Variants in ZFHX3 observed in about 807,000 individuals in gnomAD.
ZFHX3 encodes the protein zinc finger homeobox protein 3.
A neutral mutation model predicts 279.1 loss-of-function variants in ZFHX3; 42 were observed. That is an observed-to-expected ratio of 0.15 (90% CI 0.12 to 0.19). The LOEUF (loss-of-function observed/expected upper bound fraction) is 0.19, where lower values mean the gene tolerates loss of function less well. ZFHX3 is among the 10% of genes least tolerant of loss of function. The pLI is 1.00. For synonymous variants in ZFHX3, 2,293 were observed against 1,957.8 expected, an observed-to-expected ratio of 1.17 and a Z score of -4.52; for missense variants, 4,981 against 4,754.0, an observed-to-expected ratio of 1.05 and a Z score of -1.40.
At chr16:73,668,861 C>T (rs757086166) in intron 2 of ZFHX3, among the ~76,000 whole-genome samples, 10 of 152,136 alleles carry the variant, frequency 6.6e-5, no homozygotes, top group Non-Finnish European at 1.3e-4. Context: ...AACCACATCT[C>T]ATGCCAGTTA....
chr16:73,890,933 A>C (rs2030514626), intron 1 of ZFHX3, among the ~76,000 whole-genome samples: 1 of 151,440 alleles, frequency 6.6e-6, no homozygotes, highest in South Asian at 2.1e-4. Flanking sequence ...ACATCAATCA[A>C]CTGTGTGGTG....
chr16:73,471,454 G>A (rs1296045545), intron 2 of ZFHX3, among the ~76,000 whole-genome samples: 1 of 151,830 alleles, frequency 6.6e-6, no homozygotes, highest in Non-Finnish European at 1.5e-5. Flanking sequence ...TGTCGCCCAG[G>A]CTGAAGTGCA....
intron 5 of ZFHX3, among the ~76,000 whole-genome samples, chr16:73,251,899 G>A (rs1597244417): frequency 9.0e-5 from 6 of 66,464 alleles, no homozygotes; most frequent in African/African-American, 4.3e-4. Context: ...CACACACCAT[G>A]CACACACACA....
At chr16:73,376,427 A>G (rs1348165816) in intron 3 of ZFHX3, among the ~76,000 whole-genome samples, 2 of 152,192 alleles carry the variant, frequency 1.3e-5, no homozygotes, top group Non-Finnish European at 2.9e-5. Context: ...AGAATTTTTC[A>G]GCCATGTCAG....
intron 3 of ZFHX3, among the ~76,000 whole-genome samples, chr16:73,337,893 G>GGA (rs1555510887): frequency 3.9e-5 from 1 of 25,368 alleles, no homozygotes; most frequent in Non-Finnish European, 3.5e-4. Flanking sequence ...TTCCCTTGGC[G>GGA]GGGGGGGGGG....
rs2035509076 is a variant in ZFHX3 at position 72,787,961 on chromosome 16, G to A, written c.10315C>T (p.Pro3439Ser). 1.9e-6 allele frequency: 3 copies of A among 1,613,794 alleles called. No homozygotes were observed. Among genetic ancestry groups the A allele is most frequent in the African/African-American group, 1.3e-5 (1 of 74,826 alleles). ...REVSPLLPKL[P>S]EEPEAESKSA... Reference sequence around the variant, plus strand: ...TTGCTTTCTGCTTCTGGCTCTTCAGGGAGTTTCGGCAGGAGGGGGGACACC... The same window carrying A: ...TTGCTTTCTGCTTCTGGCTCTTCAGAGAGTTTCGGCAGGAGGGGGGACACC... Residue 3439 changes from proline (P) to serine (S), a missense_variant, in exon 10 of 10, where the codon CCT becomes TCT. Around this residue, in one of 7 missense-constraint regions of ZFHX3, gnomAD observed 1,034 missense variants for 786.0 expected, o/e 1.32. Transcript: ENST00000268489.
chr16:72,974,146 A>T (rs928811802), intron 1 of ZFHX3, among the ~76,000 whole-genome samples: 2 of 152,242 alleles, frequency 1.3e-5, no homozygotes, highest in African/African-American at 4.8e-5. Context: ...TGGGGAATGC[A>T]GGCAGAAGCA....
chr16:73,115,600 C>A (rs1315947943), intron 7 of ZFHX3, among the ~76,000 whole-genome samples: 1 of 152,094 alleles, frequency 6.6e-6, no homozygotes, highest in East Asian at 1.9e-4. Flanking sequence ...CACCTTCTAG[C>A]ATCTCCTTGC....
At chr16:73,787,837 G>GTGTGTT (rs1555501651) in intron 1 of ZFHX3, among the ~76,000 whole-genome samples, 1 of 150,058 alleles carries the variant, frequency 6.7e-6, no homozygotes, top group African/African-American at 2.5e-5. Context: ...GTGTGTGTGT[G>GTGTGTT]TGTGTGTGTG....
chr16:72,789,617 C>T (rs953927602), intron 9 of ZFHX3: 2 of 152,256 alleles, frequency 1.3e-5, no homozygotes, highest in African/African-American at 2.4e-5. Flanking sequence ...TGGATGCTTT[C>T]GGAGGGTAGA....
intron 5 of ZFHX3, among the ~76,000 whole-genome samples, chr16:73,194,157 G>A (rs544778268): frequency 6.6e-5 from 10 of 152,168 alleles, no homozygotes; most frequent in African/African-American, 1.7e-4. Flanking sequence ...CATAGACCCC[G>A]GTTTAGGAAC....
intron 3 of ZFHX3, chr16:73,421,303 CAG>C (rs2017714425): frequency 6.6e-6 from 1 of 152,152 alleles, no homozygotes; most frequent in Non-Finnish European, 1.5e-5. Context: ...GGTATTTTAA[CAG>C]AGTGATCACA....
At chr16:72,800,348 C>T (rs111776047) in intron 7 of ZFHX3, among the ~76,000 whole-genome samples, 1 of 152,294 alleles carries the variant, frequency 6.6e-6, no homozygotes, top group Non-Finnish European at 1.5e-5. Flanking sequence ...GCAGTGCACA[C>T]TTGAAGAATA....
intron 7 of ZFHX3, among the ~76,000 whole-genome samples, chr16:73,100,574 CCT>C (rs1165297224): frequency 9.3e-5 from 14 of 149,770 alleles, no homozygotes; most frequent in African/African-American, 3.0e-4. Context: ...CAGGAATTCC[CCT>C]CTTTTTTTTT....
chr16:73,598,703 A>G (rs940313535), intron 2 of ZFHX3, among the ~76,000 whole-genome samples: 1 of 151,952 alleles, frequency 6.6e-6, no homozygotes, highest in African/African-American at 2.4e-5. Context: ...TACAGGCATG[A>G]GCCACTGTGC....
intron 2 of ZFHX3, among the ~76,000 whole-genome samples, chr16:73,494,007 C>T (rs919498736): frequency 3.9e-5 from 6 of 152,120 alleles, no homozygotes; most frequent in Admixed American, 2.0e-4. Flanking sequence ...CTACCTTCTC[C>T]TTGAAGACTC....
intron 3 of ZFHX3, among the ~76,000 whole-genome samples, chr16:73,366,446 C>A (rs1239680062): frequency 1.3e-5 from 2 of 151,926 alleles, no homozygotes; most frequent in African/African-American, 4.8e-5. Flanking sequence ...AAGAGAAAGA[C>A]AGGGGCTGGG....
intron 8 of ZFHX3, among the ~76,000 whole-genome samples, chr16:73,091,745 C>G (rs887914256): frequency 2.0e-5 from 3 of 152,226 alleles, no homozygotes; most frequent in Admixed American, 2.0e-4. Context: ...TAGCATTTGA[C>G]AGTGCCACTT....
chr16:73,090,213 G>A (rs1966056351), intron 8 of ZFHX3, among the ~76,000 whole-genome samples: 1 of 152,060 alleles, frequency 6.6e-6, no homozygotes, highest in African/African-American at 2.4e-5. Context: ...CTGCAACATG[G>A]GGAAACCCCA....
Sources: gnomAD v4.1 joint callset for allele counts (sites outside exome capture counted in the v4.1 genomes callset) on GRCh38, gnomAD v4.1.1 for gene constraint, gnomAD v4.1.1 regional missense constraint, MANE v1.5 for transcripts, NCBI Gene and HGNC (gene_info 2026-07-23, HGNC 2026-07-21) for gene names.